The following UBA6 variants were observed in gnomAD, a reference collection of about 807,000 sequenced individuals.
UBA6 encodes ubiquitin like modifier activating enzyme 6.
A neutral mutation model predicts 148.3 loss-of-function variants in UBA6; 87 were observed. The ratio of observed to expected loss-of-function variants is 0.59; its 90% CI spans 0.49 to 0.70. The LOEUF is 0.70. Among genes scored for constraint, UBA6 ranks in the 30% least tolerant of loss-of-function variants. The pLI is 0.00. For synonymous variants in UBA6, 376 were observed against 401.0 expected (o/e 0.94, Z 0.75); for missense variants, 1,186 against 1,241.2 (o/e 0.96, Z 0.67).
intron 28 of UBA6, 134 bp downstream of exon 28, chr4:67,626,226 T>A: frequency 1.5e-6 from 1 of 645,906 alleles, no homozygotes; most frequent in Non-Finnish European, 2.7e-6. Context: ...CTGACTTTAA[T>A]ATGATCATGA....
chr4:67,682,401 A>G (rs550109571), intron 2 of UBA6, among the ~76,000 whole-genome samples, 188 bp from the exon 3 acceptor site: 1 of 152,330 alleles, frequency 6.6e-6, no homozygotes, highest in East Asian at 1.9e-4. Flanking sequence ...AAAATCAGAT[A>G]ATTTGGCACC....
chr4:67,637,518 G>A (rs1475813861), intron 19 of UBA6, among the ~76,000 whole-genome samples: 1 of 152,214 alleles, frequency 6.6e-6, no homozygotes, highest in East Asian at 1.9e-4. Flanking sequence ...GGAAAAGATA[G>A]AGAAATCAGA....
At chr4:67,639,151 A>C in intron 18 of UBA6, 27 bp from the exon 19 acceptor site, 10 of 1,568,444 alleles carry the variant, frequency 6.4e-6, no homozygotes, top group Non-Finnish European at 8.7e-6. Context: ...AGCAGAAGGA[A>C]TATGTTAAAC....
intron 17 of UBA6, among the ~76,000 whole-genome samples, chr4:67,642,910 T>C (rs1004625341): frequency 6.6e-6 from 1 of 152,006 alleles, no homozygotes; most frequent in Non-Finnish European, 1.5e-5. Context: ...AAAAAGGATA[T>C]CTTTCTGCAC....
At chr4:67,681,865 A>G (rs1404371947) in intron 3 of UBA6, among the ~76,000 whole-genome samples, 2 of 152,244 alleles carry the variant, frequency 1.3e-5, no homozygotes, top group East Asian at 3.8e-4. Context: ...ATGTGTGCTT[A>G]TAATGAATTA....
At chr4:67,692,915 C>T (rs776009058) in intron 2 of UBA6, among the ~76,000 whole-genome samples, 41 of 152,204 alleles carry the variant, frequency 2.7e-4, no homozygotes, top group African/African-American at 6.5e-4. Context: ...AGAAGGGTTC[C>T]GACGATTCAA....
intron 6 of UBA6, among the ~76,000 whole-genome samples, chr4:67,675,501 C>T (rs192173788): frequency 1.1e-4 from 16 of 152,210 alleles, no homozygotes; most frequent in Middle Eastern, 6.8e-3. Context: ...GAGGCCAATG[C>T]GGGAGGATCA....
rs760760455 is a variant in UBA6, at chr4:67,665,189, A to C, written c.897T>G (p.Phe299Leu). Residue 299 changes from phenylalanine (F) to leucine (L), a missense_variant and splice_region_variant, in exon 10 of 33, where the codon TTT (phenylalanine) becomes TTG (leucine). By Grantham distance (22) the Phe-to-Leu change is conservative. Coordinates refer to ENST00000322244, the MANE Select transcript of UBA6 (RefSeq NM_018227.6). ...VQVKTPKTVF[F>L]ESLERQLKHP... is the part of the protein sequence containing the mutation. Reference sequence around the variant, plus strand: ...TTTAAGCCGAAAAAAAAATACTTACAAAAAAAACTGTTTTAGGAGTCTTAA... The same window carrying C: ...TTTAAGCCGAAAAAAAAATACTTACCAAAAAAACTGTTTTAGGAGTCTTAA... The C allele has an allele frequency of 3.2e-6, 5 of 1,549,476 alleles. No homozygotes were observed. The highest frequency in any genetic ancestry group is 1.4e-5 in the African/African-American group (1 of 71,790).
At chr4:67,682,602 T>C (rs576887241) in intron 2 of UBA6, among the ~76,000 whole-genome samples, 42 of 152,272 alleles carry the variant, frequency 2.8e-4, no homozygotes, top group African/African-American at 5.8e-4. Flanking sequence ...ATCAACAGGA[T>C]TTCTGAGGCA....
In UBA6 at chr4:67,613,097, G is replaced by C. The variant is rs1384482961; in HGVS notation, c.*5900C>G. 6.6e-6 allele frequency: 1 copy of C among 152,222 alleles called. No individual in the cohort carries two copies. Among genetic ancestry groups the C allele is most frequent in the Admixed American group, 6.5e-5 (1 of 15,290 alleles). 9.4% of individuals were successfully genotyped at this position (152,222 alleles called of 1,614,324 possible). The stretch of plus-strand genomic sequence containing the variant: ...TGAACCCTAGAAATAAGGATGAACA[G>C]AAGAGCATTACCACAGTCTGTGGCT... On this transcript the variant is annotated 3_prime_UTR_variant, in exon 33 of 33. Coordinates refer to ENST00000322244, the MANE Select transcript of UBA6 (RefSeq NM_018227.6).
intron 26 of UBA6, 145 bp from the exon 27 acceptor site, chr4:67,629,287 C>A: frequency 1.7e-6 from 1 of 595,196 alleles, no homozygotes; most frequent in Non-Finnish European, 3.0e-6. Context: ...AGACATTTAT[C>A]TTTATTTCTA....
At chr4:67,678,574 A>G in intron 4 of UBA6, 41 bp from the exon 5 acceptor site, 1 of 1,120,416 alleles carries the variant, frequency 8.9e-7, no homozygotes, top group Non-Finnish European at 1.3e-6. Flanking sequence ...TCAGGAGTTC[A>G]AGGATATGCA....
At position 67,617,262 on chromosome 4, in the gene UBA6, G is replaced by C. The variant is rs907159808; in HGVS notation, c.*1735C>G. 3.3e-5 allele frequency: 5 copies of C among 152,024 alleles called. No homozygotes were observed. Among genetic ancestry groups the C allele is most frequent in the Non-Finnish European group, 4.4e-5 (3 of 67,950 alleles). The allele number at this position is 152,024 out of a possible 1,614,324, so 9.4% of individuals were successfully genotyped here. ...TTACTTTCAAAGAACACAAAACAAAGTGAACGTGGAAAAAAGCCTTCTTTG... is the reference window on the plus strand; with the variant it reads ...TTACTTTCAAAGAACACAAAACAAACTGAACGTGGAAAAAAGCCTTCTTTG... On this transcript the variant is annotated 3_prime_UTR_variant, in exon 33 of 33. Transcript: ENST00000322244.
intron 2 of UBA6, among the ~76,000 whole-genome samples, 171 bp downstream of exon 2, chr4:67,696,470 TATAC>T (rs1730839206): frequency 2.0e-5 from 3 of 150,226 alleles, no homozygotes; most frequent in South Asian, 2.1e-4. Flanking sequence ...CATATACATA[TATAC>T]ACATATATAC....
In UBA6 at chr4:67,631,861, A is replaced by G. The variant is rs1413925395; in HGVS notation, c.2190T>C (p.Asp730=). The change falls in exon 24 of 33, where the codon GAT becomes GAC. Residue 730 remains aspartate (D), a synonymous_variant. Coordinates refer to ENST00000322244, the MANE Select transcript of UBA6 (RefSeq NM_018227.6). ...HCFPLDIRLK[D]GSLFWQSPKR... ...ATTCTCAACATTTATACTTACTGCC[A>G]TCTTTTAATCGTATGTCCAGAGGGA... 3 of 1,612,416 alleles carry G rather than the reference A, an allele frequency of 1.9e-6. No homozygotes were observed. The highest frequency in any genetic ancestry group is 2.2e-5 in the East Asian group (1 of 44,804).
chr4:67,642,174 T>A (rs1277441942), intron 17 of UBA6, among the ~76,000 whole-genome samples: 5 of 152,120 alleles, frequency 3.3e-5, no homozygotes, highest in Admixed American at 3.3e-4. Flanking sequence ...ATTCTGCTTT[T>A]CATTCCCCTG....
intron 3 of UBA6, 45 bp from the exon 4 acceptor site, chr4:67,681,636 A>G: frequency 7.2e-7 from 1 of 1,392,602 alleles, no homozygotes; most frequent in Non-Finnish European, 9.9e-7. Context: ...TTGGGAATAC[A>G]CACTAGATAT....
At chr4:67,691,692 T>G (rs934748711) in intron 2 of UBA6, among the ~76,000 whole-genome samples, 3 of 152,114 alleles carry the variant, frequency 2.0e-5, no homozygotes, top group Admixed American at 2.0e-4. Flanking sequence ...GTCATGACAT[T>G]ACAATAAAAA....
chr4:67,659,563 CTG>C (rs1471509569), intron 13 of UBA6, among the ~76,000 whole-genome samples: 2 of 44,554 alleles, frequency 4.5e-5, no homozygotes, highest in Non-Finnish European at 1.0e-4. Flanking sequence ...TCATGTGAAA[CTG>C]TGAGTCAATT....
Sources: allele counts gnomAD v4.1 joint callset (sites outside exome capture counted in the v4.1 genomes callset), GRCh38; gene constraint gnomAD v4.1.1; transcripts MANE v1.5; gene names NCBI Gene and HGNC (gene_info 2026-07-23, HGNC 2026-07-21).